INPP5J: variants seen among roughly 807,000 people sequenced by gnomAD.
INPP5J encodes inositol polyphosphate-5-phosphatase J.
In INPP5J, 75 loss-of-function variants were observed where a neutral mutation model predicts 86.6. That is an observed-to-expected ratio of 0.87 (90% CI 0.72 to 1.05). INPP5J has a LOEUF of 1.05. Ranked by LOEUF, INPP5J falls within the 50% of genes least tolerant of loss-of-function variation. INPP5J has a pLI of 0.00. For synonymous variants in INPP5J, 540 were observed against 550.0 expected (o/e 0.98, Z 0.25); for missense variants, 1,229 against 1,341.2 (o/e 0.92, Z 1.31).
At position 31,125,362 on chromosome 22, in the gene INPP5J, C is replaced by T; in HGVS notation, c.623C>T (p.Pro208Leu). The change falls in exon 2 of 13, where the codon CCA (proline) becomes CTA (leucine). Residue 208 changes from proline to leucine, a missense_variant. Physicochemically the swap from Pro to Leu is moderately conservative, Grantham distance 98. Coordinates refer to ENST00000331075, the MANE Select transcript of INPP5J (RefSeq NM_001284285.2). ...TCCACCCCTTCCCCGGTGCCCAGTC[C>T]AGTTCTGTCTCCAACTCAGGAACAG... The part of the protein sequence containing the change: ...LPSTPSPVPS[P>L]VLSPTQEQAL... 6.4e-7 allele frequency: 1 copy of T among 1,550,616 alleles called. No homozygotes were observed. The highest frequency in any genetic ancestry group is 1.2e-5 in the South Asian group (1 of 84,056).
intron 8 of INPP5J, 49 bp downstream of exon 8, chr22:31,128,372 T>G (rs1191424702): frequency 6.4e-7 from 1 of 1,564,524 alleles, no homozygotes; most frequent in African/African-American, 1.4e-5. Flanking sequence ...TGAGGTCTTC[T>G]CGAACAGGGA....
intron 9 of INPP5J, among the ~76,000 whole-genome samples, chr22:31,129,910 C>T (rs955867306): frequency 1.3e-5 from 2 of 152,084 alleles, no homozygotes; most frequent in Non-Finnish European, 2.9e-5. Context: ...AGTAATTTAT[C>T]TTAAAATTCA....
In INPP5J at chr22:31,126,692, G is replaced by A; in HGVS notation, c.1465G>A (p.Asp489Asn). ...GGACCAGTGGAGTGAGCTGTTCATG[G>A]ATGCGCTAGGGCCCTTCAACTTCGT... is the stretch of plus-strand genomic sequence containing the variant. ...FTDQWSELFM[D>N]ALGPFNFVLV... is the part of the protein sequence containing the mutation. Residue 489 changes from aspartate (D) to asparagine (N), a missense_variant, in exon 4 of 13, where the codon GAT (aspartate) becomes AAT (asparagine). Physicochemically the swap from Asp to Asn is conservative, Grantham distance 23. Transcript: ENST00000331075. The A allele has an allele frequency of 6.2e-7, 1 of 1,613,902 alleles. No homozygotes were observed. Among genetic ancestry groups the A allele is most frequent in the Non-Finnish European group, 8.5e-7 (1 of 1,179,784 alleles).
chr22:31,127,131 C>A, intron 5 of INPP5J, 94 bp downstream of exon 5: 1 of 934,834 alleles, frequency 1.1e-6, no homozygotes, highest in Non-Finnish European at 1.7e-6. Flanking sequence ...CCCTTCCCAT[C>A]CTCCACCCTT....
rs1921729340 is a variant in INPP5J, at chr22:31,128,501, C to T, written c.2040C>T (p.Asp680=). The change falls in exon 9 of 13, where the codon GAC becomes GAT. Residue 680 remains aspartate (D), a synonymous_variant. Coordinates refer to ENST00000331075, the MANE Select transcript of INPP5J (RefSeq NM_001284285.2). ...SAKKRKPAWT[D]RILWKVKAPG... The stretch of plus-strand genomic sequence containing the variant: ...AGAAACGGAAGCCAGCTTGGACAGA[C>T]CGTATCCTATGGAAGGTCAAGGCTC... 1 of 1,613,542 alleles carries T rather than the reference C, an allele frequency of 6.2e-7. No homozygotes were observed. Among genetic ancestry groups the T allele is most frequent in the Non-Finnish European group, 8.5e-7 (1 of 1,179,864 alleles).
chr22:31,124,366 C>T, intron 1 of INPP5J: 2 of 895,954 alleles, frequency 2.2e-6, no homozygotes, highest in African/African-American at 3.6e-5. Flanking sequence ...AGGTATTTAA[C>T]AAGCTGCACC....
At chr22:31,126,526 C>T (rs777231991) in intron 3 of INPP5J, 37 bp downstream of exon 3, 12 of 1,605,514 alleles carry the variant, frequency 7.5e-6, no homozygotes, top group Non-Finnish European at 1.0e-5. Flanking sequence ...CTCCTGAGCC[C>T]CTCGGGCCTT....
chr22:31,126,000 C>T lies in INPP5J; in HGVS notation c.1261C>T (p.Pro421Ser), dbSNP rs747708939. Reference sequence around the variant, plus strand: ...AGCTCAGCCTACCTGGAAGAGCGACCCCGGCTTCCGGTGAGGGGGCCCTCT... The same window carrying T: ...AGCTCAGCCTACCTGGAAGAGCGACTCCGGCTTCCGGTGAGGGGGCCCTCT... ...WSAQPTWKSD[P>S]GFRITVVTWN... The change falls in exon 2 of 13, where the codon CCC (proline) becomes TCC (serine). Residue 421 changes from proline to serine, a missense_variant. By Grantham distance (74) the Pro-to-Ser change is moderately conservative (BLOSUM62 -1). Transcript: ENST00000331075. 1 of 1,569,152 alleles carries T rather than the reference C, an allele frequency of 6.4e-7. No individual in the cohort carries two copies. The highest frequency in any genetic ancestry group is 1.1e-5 in the South Asian group (1 of 87,420).
Position 31,128,023 on chromosome 22 carries a change from C to T in INPP5J, c.1860C>T (p.Ile620=), listed in dbSNP as rs1921676340. 5 of 1,613,168 alleles carry T rather than the reference C, an allele frequency of 3.1e-6. No individual in the cohort carries two copies. The South Asian group carries it at 3.3e-5, about 11-fold the overall frequency. ...ACCTGCACTTTGTCAAGTTTGCCAT[C>T]GACAGTGACCAGCTCCATCAGCTCT... is the stretch of plus-strand genomic sequence containing the variant. ...SYDLHFVKFA[I]DSDQLHQLWE... Residue 620 remains isoleucine (I), a synonymous_variant, in exon 7 of 13, where the codon ATC becomes ATT. Coordinates refer to ENST00000331075, the MANE Select transcript of INPP5J (RefSeq NM_001284285.2).
chr22:31,124,171 G>C, intron 1 of INPP5J: 3 of 707,900 alleles, frequency 4.2e-6, no homozygotes, highest in Non-Finnish European at 5.2e-6. Context: ...GGGCAGAGAG[G>C]TACTTGCCTA....
chr22:31,133,699 C>T lies in INPP5J; in HGVS notation c.2499C>T (p.Ile833=). The T allele has an allele frequency of 2.5e-6, 4 of 1,612,764 alleles. No individual in the cohort carries two copies. Among genetic ancestry groups the T allele is most frequent in the Middle Eastern group, 1.7e-4 (1 of 6,060 alleles). The part of the protein sequence containing the change: ...YSHNHSILIG[I]TEPFQISLPS... The stretch of plus-strand genomic sequence containing the variant: ...ACAACCACAGCATCCTCATCGGCAT[C>T]ACTGAACCCTTCCAGGTAAGTAGGC... Residue 833 remains isoleucine (I), a synonymous_variant, in exon 12 of 13, where the codon ATC becomes ATT. Coordinates refer to ENST00000331075, the MANE Select transcript of INPP5J (RefSeq NM_001284285.2).
rs1320100936 is a variant in INPP5J, at chr22:31,134,086, G to A, written c.2688G>A (p.Gly896=). ...SRSPGLARFP[G]LALRPSSRER... ...GCCCGGGACTGGCCAGGTTCCCTGG[G>A]CTTGCCCTACGGCCCTCATCCCGTG... The change falls in exon 13 of 13, where the codon GGG becomes GGA. Residue 896 remains glycine (G), a synonymous_variant. Coordinates refer to ENST00000331075, the MANE Select transcript of INPP5J (RefSeq NM_001284285.2). 1.6e-5 allele frequency: 25 copies of A among 1,562,162 alleles called. No individual in the cohort carries two copies. The highest frequency in any genetic ancestry group is 2.1e-5 in the Non-Finnish European group (24 of 1,154,310).
intron 12 of INPP5J, 68 bp downstream of exon 12, chr22:31,133,782 T>C (rs1042171481): frequency 6.4e-7 from 1 of 1,570,734 alleles, no homozygotes; most frequent in Non-Finnish European, 8.7e-7. Context: ...GCCTCTACAT[T>C]CTGCTCCTTG....
chr22:31,131,608 C>T (rs1375612612), intron 9 of INPP5J, among the ~76,000 whole-genome samples: 1 of 152,054 alleles, frequency 6.6e-6, no homozygotes, highest in Non-Finnish European at 1.5e-5. Flanking sequence ...ACATGCCAGG[C>T]CTGTGTAGTG....
rs912432547 is a variant in INPP5J at position 31,128,400 on chromosome 22, C to T, written c.2010-71C>T. The T allele has an allele frequency of 4.4e-6, 7 of 1,577,796 alleles. No individual in the cohort carries two copies. In the Admixed American group the frequency reaches 5.4e-5, roughly 12 times the overall value. ...AACAGGGAGACTTTGGGAAGAGGGG[C>T]AGGAGGCAAGGTGGAGGGTTACATC... On this transcript the variant is annotated intron_variant, in intron 8 of 12. Coordinates refer to ENST00000331075, the MANE Select transcript of INPP5J (RefSeq NM_001284285.2).
chr22:31,127,147 T>G, intron 5 of INPP5J, 110 bp downstream of exon 5: 1 of 853,634 alleles, frequency 1.2e-6, no homozygotes, highest in African/African-American at 1.8e-5. Context: ...CCCTTTACCC[T>G]GCGGCCCAGC....
chr22:31,123,162 TG>T, intron 1 of INPP5J, 43 bp downstream of exon 1: 1 of 1,258,226 alleles, frequency 7.9e-7, no homozygotes, highest in Non-Finnish European at 1.1e-6. Flanking sequence ...TCCTGATCCC[TG>T]GTTCCACACA....
chr22:31,123,929 A>C (rs925846760), intron 1 of INPP5J: 6 of 152,160 alleles, frequency 3.9e-5, no homozygotes, highest in Non-Finnish European at 7.3e-5. Context: ...AAGAGGGCAC[A>C]ACCTGGGCAC....
chr22:31,132,078 G>A (rs547964344), intron 9 of INPP5J, among the ~76,000 whole-genome samples: 4 of 152,184 alleles, frequency 2.6e-5, no homozygotes, highest in Non-Finnish European at 2.9e-5. Flanking sequence ...AAGGATACTC[G>A]TGGTTATAAC....
Sources: allele counts gnomAD v4.1 joint callset (sites outside exome capture counted in the v4.1 genomes callset), GRCh38; gene constraint gnomAD v4.1.1; transcripts MANE v1.5; gene names NCBI Gene and HGNC (gene_info 2026-07-23, HGNC 2026-07-21).